IGSF11: variants seen among roughly 807,000 people sequenced by gnomAD.
The protein encoded by IGSF11 is CXADR like 1.
In IGSF11, 22 loss-of-function variants were observed where a neutral mutation model predicts 41.0. That is an observed-to-expected ratio of 0.54 (90% CI 0.38 to 0.77). The LOEUF is 0.77. Ranked by LOEUF, IGSF11 falls within the 30% of genes least tolerant of loss-of-function variation. IGSF11 has a pLI of 0.00. For synonymous variants in IGSF11, 219 were observed against 201.3 expected (o/e 1.09, Z -0.74); for missense variants, 444 against 530.8 (o/e 0.84, Z 1.61).
chr3:119,015,942 A>G (rs970386685), intron 1 of IGSF11, among the ~76,000 whole-genome samples: 8 of 152,222 alleles, frequency 5.3e-5, no homozygotes, highest in Non-Finnish European at 1.2e-4. Context: ...CTGACCAACC[A>G]GAAGAAAACA....
intron 1 of IGSF11, among the ~76,000 whole-genome samples, chr3:118,971,116 T>C (rs893564614): frequency 3.3e-5 from 5 of 152,070 alleles, no homozygotes; most frequent in Non-Finnish European, 7.4e-5. Flanking sequence ...CCTGAAGAAA[T>C]ATAAGAGGCA....
chr3:118,959,042 G>A (rs1158772200), intron 1 of IGSF11, among the ~76,000 whole-genome samples: 4 of 152,184 alleles, frequency 2.6e-5, no homozygotes, highest in Non-Finnish European at 5.9e-5. Context: ...TACAAAATAC[G>A]TGTAGGGGAG....
At chr3:119,005,096 C>CT (rs535978902) in intron 1 of IGSF11, among the ~76,000 whole-genome samples, 1,736 of 148,622 alleles carry the variant, frequency 0.012, 38 homozygotes, top group African/African-American at 0.042. Context: ...GTTTGGGAGT[C>CT]TAAGTCTCTT....
Position 119,094,223 on chromosome 3 carries a change from T to TAAAAAAAAAAAAA in IGSF11, c.49+10908_49+10920dup, listed in dbSNP as rs1175348778. 4.6e-4 allele frequency among the ~76,000 whole-genome samples: 16 copies of TAAAAAAAAAAAAA among 35,072 alleles called. 1 individual carries two copies. The highest frequency in any genetic ancestry group is 1.3e-3 in the East Asian group (1 of 760). 23.0% of individuals were successfully genotyped at this position (35,072 alleles called of 152,430 possible). On this transcript the variant is annotated intron_variant, in intron 1 of 6. Transcript: ENST00000354673. ...TGGAAAGAAGGACTACATAGCGAAGTAAAAAAAAAAAAAAAAAAAAAAAAA... is the reference window on the plus strand; with the variant it reads ...TGGAAAGAAGGACTACATAGCGAAGTAAAAAAAAAAAAAAAAAAAAAAAAAAAAAAAAAAAAAA...
chr3:119,069,920 G>C (rs1409405216), intron 1 of IGSF11, among the ~76,000 whole-genome samples: 1 of 152,110 alleles, frequency 6.6e-6, no homozygotes, highest in East Asian at 1.9e-4. Context: ...TGATTCACTC[G>C]AGTATGAGAC....
intron 1 of IGSF11, among the ~76,000 whole-genome samples, chr3:119,056,084 A>G (rs1454078461): frequency 1.3e-5 from 2 of 152,190 alleles, no homozygotes; most frequent in African/African-American, 4.8e-5. Flanking sequence ...GAGCAAATAC[A>G]TTCAAAAGCT....
In IGSF11 at chr3:119,115,392, C is replaced by A. The variant is rs1011891402; in HGVS notation, c.-13-10187G>T. 2.0e-5 allele frequency among the ~76,000 whole-genome samples: 3 copies of A among 152,216 alleles called. No homozygotes were observed. In the South Asian group the frequency reaches 6.2e-4, roughly 32 times the overall value. On this transcript the variant is annotated intron_variant, in intron 1 of 7. Transcript: ENST00000425327. ...CAGGGTACAAGGGTTCCCTTTTCCT[C>A]ACATCCTTGGCAGCATTTGTTAATT...
At chr3:119,001,090 C>A (rs1020181021) in intron 1 of IGSF11, among the ~76,000 whole-genome samples, 55 of 152,076 alleles carry the variant, frequency 3.6e-4, no homozygotes, top group African/African-American at 1.3e-3. Flanking sequence ...GTCTCTCTGT[C>A]TGAAATGTCC....
intron 6 of IGSF11, among the ~76,000 whole-genome samples, chr3:118,903,624 C>T (rs78958309): frequency 0.014 from 2,135 of 152,196 alleles, 63 homozygotes; most frequent in African/African-American, 0.049. Flanking sequence ...ATGGCCCAAA[C>T]GCTTAAGAAT....
At chr3:118,989,186 G>A (rs1443156912) in intron 1 of IGSF11, among the ~76,000 whole-genome samples, 1 of 152,146 alleles carries the variant, frequency 6.6e-6, no homozygotes, top group Non-Finnish European at 1.5e-5. Context: ...AGGAAAGCAA[G>A]AGCAAATACA....
intron 1 of IGSF11, among the ~76,000 whole-genome samples, chr3:118,998,530 T>C (rs971801511): frequency 6.6e-6 from 1 of 152,048 alleles, no homozygotes; most frequent in Non-Finnish European, 1.5e-5. Context: ...AACTGACTTC[T>C]TTCATTTATG....
chr3:118,979,561 C>G (rs1413803678), intron 1 of IGSF11, among the ~76,000 whole-genome samples: 1 of 151,888 alleles, frequency 6.6e-6, no homozygotes, highest in Non-Finnish European at 1.5e-5. Flanking sequence ...AAGTAAAACC[C>G]AAAACTGTAA....
chr3:119,072,350 T>A lies in IGSF11; in HGVS notation c.49+32794A>T, dbSNP rs72953037. Among the ~76,000 whole-genome samples, 1,033 of 152,340 alleles carry A rather than the reference T, an allele frequency of 6.8e-3. 20 individuals are homozygous for A. Among genetic ancestry groups the A allele is most frequent in the African/African-American group, 0.023 (975 of 41,570 alleles). On this transcript the variant is annotated intron_variant, in intron 1 of 6. Coordinates refer to the IGSF11 transcript ENST00000354673. Reference sequence around the variant, plus strand: ...ATCCAGCTAACTACAATATCCATATTTTTCCCACTACCATCTTTTATGACT... The same window carrying A: ...ATCCAGCTAACTACAATATCCATATATTTCCCACTACCATCTTTTATGACT...
intron 1 of IGSF11, among the ~76,000 whole-genome samples, chr3:119,001,524 G>T (rs1465616314): frequency 1.4e-5 from 2 of 144,972 alleles, no homozygotes; most frequent in Admixed American, 1.4e-4. Context: ...ACATTGTGCA[G>T]GTTAGTTACA....
chr3:118,976,528 G>T (rs1355702928), intron 1 of IGSF11, among the ~76,000 whole-genome samples: 1 of 152,126 alleles, frequency 6.6e-6, no homozygotes, highest in African/African-American at 2.4e-5. Context: ...GCCATGATCT[G>T]GGGTTCCAAG....
At chr3:119,139,099 C>A (rs778921914) in intron 1 of IGSF11, among the ~76,000 whole-genome samples, 3 of 152,048 alleles carry the variant, frequency 2.0e-5, no homozygotes, top group Non-Finnish European at 2.9e-5. Context: ...TTACACATTG[C>A]ATACTTGTAT....
At chr3:119,010,413 T>G (rs1213379727) in intron 1 of IGSF11, among the ~76,000 whole-genome samples, 1 of 152,196 alleles carries the variant, frequency 6.6e-6, no homozygotes, top group Non-Finnish European at 1.5e-5. Context: ...ATCCGGAAAG[T>G]GGGTAAACAT....
At chr3:118,968,551 A>G (rs1043263215) in intron 1 of IGSF11, among the ~76,000 whole-genome samples, 3 of 152,214 alleles carry the variant, frequency 2.0e-5, no homozygotes, top group Non-Finnish European at 2.9e-5. Context: ...AGGGCAAAAC[A>G]TTCTTCTGAA....
chr3:119,034,480 C>A lies in IGSF11; in HGVS notation c.52+51G>T. 3.4e-6 allele frequency: 5 copies of A among 1,456,918 alleles called. No homozygotes were observed. In the South Asian group the frequency reaches 5.5e-5, roughly 16 times the overall value. 90.2% of individuals were successfully genotyped at this position (1,456,918 alleles called of 1,614,324 possible). ...CGTCCCCAAACAGCTTCGCCCCGGG[C>A]CCGCCGACCCGGCCTGGCCCCACCG... On this transcript the variant is annotated intron_variant, in intron 1 of 6. Transcript: ENST00000393775.
Sources: allele counts gnomAD v4.1 joint callset (sites outside exome capture counted in the v4.1 genomes callset), GRCh38; gene constraint gnomAD v4.1.1; transcripts MANE v1.5; gene names NCBI Gene and HGNC (gene_info 2026-07-23, HGNC 2026-07-21).